The following EFR3A variants were observed in gnomAD, a reference collection of about 807,000 sequenced individuals.
The protein encoded by EFR3A is EFR3 homolog A, also known as protein EFR3 homolog A.
In EFR3A, 76 loss-of-function variants were observed where a neutral mutation model predicts 104.4. The ratio of observed to expected loss-of-function variants is 0.73; its 90% CI spans 0.60 to 0.88. The LOEUF is 0.88. Among genes scored for constraint, EFR3A ranks in the 40% least tolerant of loss-of-function variants. The pLI is 0.00. For synonymous variants in EFR3A, 330 were observed against 330.0 expected (o/e 1.00, Z 0.00); for missense variants, 985 against 1,012.5 (o/e 0.97, Z 0.37).
At chr8:131,987,807 AC>A (rs774461738) in intron 18 of EFR3A, 105 bp downstream of exon 18, 810 of 1,218,092 alleles carry the variant, frequency 6.6e-4, no homozygotes, top group Admixed American at 1.1e-3. Context: ...GTGTGTCCTT[AC>A]TATAGCCCAG....
chr8:131,994,350 A>AAC (rs988781897), intron 18 of EFR3A, among the ~76,000 whole-genome samples: 72 of 151,896 alleles, frequency 4.7e-4, no homozygotes, highest in African/African-American at 1.6e-3. Flanking sequence ...GTTTTGGGGG[A>AAC]ACATTATAGG....
intron 1 of EFR3A, among the ~76,000 whole-genome samples, chr8:131,934,523 A>G (rs1817778662): frequency 6.6e-6 from 1 of 152,084 alleles, no homozygotes; most frequent in Non-Finnish European, 1.5e-5. Flanking sequence ...TAATTTTTAA[A>G]CTTTGTCTTT....
intron 8 of EFR3A, among the ~76,000 whole-genome samples, chr8:131,962,514 C>G (rs1309979334): frequency 6.6e-6 from 1 of 152,170 alleles, no homozygotes; most frequent in Non-Finnish European, 1.5e-5. Flanking sequence ...AGCTGACTCT[C>G]CTAAATATAT....
chr8:132,001,705 G>A (rs1821787971), intron 19 of EFR3A, 54 bp from the exon 20 acceptor site: 9 of 1,470,146 alleles, frequency 6.1e-6, no homozygotes, highest in Admixed American at 1.7e-5. Flanking sequence ...AGGTAAAGGT[G>A]TTATTTATAT....
chr8:131,957,384 G>A (rs1370202309), intron 7 of EFR3A, among the ~76,000 whole-genome samples: 1 of 144,026 alleles, frequency 6.9e-6, no homozygotes, highest in Non-Finnish European at 1.5e-5. Flanking sequence ...AGAGTTTGCT[G>A]TTGTTGCCCA....
At chr8:131,950,964 T>C (rs991812980) in intron 5 of EFR3A, among the ~76,000 whole-genome samples, 1 of 152,130 alleles carries the variant, frequency 6.6e-6, no homozygotes, top group African/African-American at 2.4e-5. Context: ...TTAGGAAATA[T>C]AGAAAGTAAT....
chr8:131,986,193 G>A lies in EFR3A; in HGVS notation c.1870-1G>A. On this transcript the variant is annotated splice_acceptor_variant, in intron 16 of 22. Coordinates refer to ENST00000254624, the MANE Select transcript of EFR3A (RefSeq NM_015137.6). LOFTEE classifies it high-confidence loss of function. ...TTGTTCTGTTTTTGAATATTTTTTA[G>A]GTTATTGAAATTCGAACTATGGAAG... The A allele has an allele frequency of 6.4e-7, 1 of 1,561,736 alleles. No individual in the cohort carries two copies. Among genetic ancestry groups the A allele is most frequent in the Non-Finnish European group, 8.8e-7 (1 of 1,137,160 alleles).
intron 4 of EFR3A, among the ~76,000 whole-genome samples, chr8:131,948,510 A>G (rs1818546940): frequency 6.6e-6 from 1 of 152,150 alleles, no homozygotes; most frequent in African/African-American, 2.4e-5. Context: ...GGGTATTTCC[A>G]AGTGCATTTA....
chr8:131,944,334 C>G (rs756060906), intron 2 of EFR3A, among the ~76,000 whole-genome samples: 6 of 152,008 alleles, frequency 3.9e-5, no homozygotes, highest in Non-Finnish European at 7.4e-5. Flanking sequence ...TCACTGACTT[C>G]TGAATCATTA....
chr8:131,979,500 G>T (rs1424154086), intron 14 of EFR3A, 79 bp downstream of exon 14: 6 of 1,016,806 alleles, frequency 5.9e-6, no homozygotes, highest in Non-Finnish European at 8.7e-6. Context: ...ATATTGATCT[G>T]TGCCCTTGAA....
intron 8 of EFR3A, among the ~76,000 whole-genome samples, chr8:131,966,908 A>G (rs1177992514): frequency 1.3e-5 from 2 of 152,160 alleles, no homozygotes; most frequent in African/African-American, 2.4e-5. Flanking sequence ...TCTTTTGTTT[A>G]ATACATGATA....
chr8:131,979,118 GT>G, intron 13 of EFR3A, 99 bp downstream of exon 13: 1 of 1,250,050 alleles, frequency 8.0e-7, no homozygotes, highest in Non-Finnish European at 1.1e-6. Flanking sequence ...GCATGTTCAG[GT>G]TTTATTAATC....
Position 131,928,736 on chromosome 8 carries a change from T to C in EFR3A, c.11-11763T>C, listed in dbSNP as rs1331296701. Among the ~76,000 whole-genome samples the C allele has an allele frequency of 2.6e-5, 4 of 152,162 alleles. No homozygotes were observed. The East Asian group carries it at 7.7e-4, about 29-fold the overall frequency. ...TTTAAATTACATTATTGTAAAATCA[T>C]GTTTTCCTTTTTACTTGCATTTAAA... On this transcript the variant is annotated intron_variant, in intron 1 of 22. Coordinates refer to ENST00000254624, the MANE Select transcript of EFR3A (RefSeq NM_015137.6).
chr8:131,958,123 T>G (rs1819117546), intron 7 of EFR3A, among the ~76,000 whole-genome samples: 1 of 152,164 alleles, frequency 6.6e-6, no homozygotes, highest in Non-Finnish European at 1.5e-5. Flanking sequence ...GAACTATAAG[T>G]AATTGGTAGC....
intron 18 of EFR3A, among the ~76,000 whole-genome samples, chr8:131,991,967 T>A: frequency 6.6e-6 from 1 of 152,144 alleles, no homozygotes; most frequent in East Asian, 1.9e-4. Context: ...ACACTATATT[T>A]CCTTTTTGTT....
intron 19 of EFR3A, among the ~76,000 whole-genome samples, chr8:131,999,551 C>G (rs1217009190): frequency 6.7e-6 from 1 of 150,138 alleles, no homozygotes; most frequent in Non-Finnish European, 1.5e-5. Context: ...CACCACTTCT[C>G]TATAACTCCA....
At chr8:131,985,552 A>G (rs1384218103) in intron 16 of EFR3A, among the ~76,000 whole-genome samples, 1 of 152,204 alleles carries the variant, frequency 6.6e-6, no homozygotes, top group East Asian at 1.9e-4. Flanking sequence ...AATGCCCCCA[A>G]GTTACCTAGC....
chr8:131,984,964 G>A lies in EFR3A; in HGVS notation c.1773G>A (p.Met591Ile). 1 of 1,613,484 alleles carries A rather than the reference G, an allele frequency of 6.2e-7. No homozygotes were observed. ...TTATCAATGAGGATAATTTGCCAAT[G>A]TTCCATCGTTGTGGAATCATGGCAC... is the stretch of plus-strand genomic sequence containing the variant. The part of the protein sequence containing the change: ...SAIINEDNLP[M>I]FHRCGIMALV... Residue 591 changes from methionine to isoleucine, a missense_variant, in exon 16 of 23, where the codon ATG becomes ATA. Coordinates refer to ENST00000254624, the MANE Select transcript of EFR3A (RefSeq NM_015137.6).
intron 2 of EFR3A, 88 bp downstream of exon 2, chr8:131,940,663 C>G: frequency 6.7e-7 from 1 of 1,495,250 alleles, no homozygotes; most frequent in Non-Finnish European, 8.9e-7. Flanking sequence ...AATTTCATTT[C>G]TCTACTTTTA....
Sources: allele counts gnomAD v4.1 joint callset (sites outside exome capture counted in the v4.1 genomes callset), GRCh38; gene constraint gnomAD v4.1.1; transcripts MANE v1.5; gene names NCBI Gene and HGNC (gene_info 2026-07-23, HGNC 2026-07-21).